Variants in WDR70 observed in about 807,000 individuals in gnomAD.
The protein encoded by WDR70 is WD repeat-containing protein 70.
In WDR70, 53 loss-of-function variants were observed where a neutral mutation model predicts 88.6. The observed-to-expected ratio is 0.60, with a 90% CI of 0.48 to 0.75. The LOEUF (loss-of-function observed/expected upper bound fraction) is 0.75, where lower values mean the gene tolerates loss of function less well. Ranked by LOEUF, WDR70 falls within the 30% of genes least tolerant of loss-of-function variation. The probability of loss-of-function intolerance (pLI) is 0.00; values close to 1 mark genes in which losing one functional copy is unlikely to be tolerated. For missense variants in WDR70, 610 were observed against 823.2 expected (o/e 0.74, Z 3.17); for synonymous variants, 280 against 270.0 (o/e 1.04, Z -0.36).
At chr5:37,728,608 G>T (rs924932927) in intron 17 of WDR70, among the ~76,000 whole-genome samples, 1 of 151,916 alleles carries the variant, frequency 6.6e-6, no homozygotes, top group Non-Finnish European at 1.5e-5. Context: ...TGCATGTTTG[G>T]CACAAATAAC....
chr5:37,495,655 A>G (rs1740195650), intron 8 of WDR70, among the ~76,000 whole-genome samples: 1 of 152,188 alleles, frequency 6.6e-6, no homozygotes, highest in South Asian at 2.1e-4. Context: ...AGGAGTGCCT[A>G]TGTTTAGATA....
intron 5 of WDR70, among the ~76,000 whole-genome samples, chr5:37,426,685 A>G (rs916256033): frequency 1.3e-5 from 2 of 152,210 alleles, no homozygotes; most frequent in Non-Finnish European, 2.9e-5. Flanking sequence ...TCTGCATGGA[A>G]GAAGACAACA....
chr5:37,675,552 A>G (rs938560882), intron 10 of WDR70, among the ~76,000 whole-genome samples: 11 of 151,822 alleles, frequency 7.2e-5, no homozygotes, highest in East Asian at 1.9e-4. Context: ...GTAGATATGC[A>G]GCATTATTTC....
intron 10 of WDR70, among the ~76,000 whole-genome samples, chr5:37,634,376 A>C (rs933903001): frequency 1.3e-5 from 2 of 152,106 alleles, no homozygotes; most frequent in African/African-American, 4.8e-5. Context: ...AGAAGACTTT[A>C]TTAAGCTTTG....
chr5:37,623,758 CTAGT>C (rs1295626285), intron 10 of WDR70, among the ~76,000 whole-genome samples: 1 of 152,084 alleles, frequency 6.6e-6, no homozygotes, highest in Non-Finnish European at 1.5e-5. Flanking sequence ...TCATCTCTAC[CTAGT>C]TATAGAGTTC....
At chr5:37,568,912 G>T (rs1362991342) in intron 9 of WDR70, among the ~76,000 whole-genome samples, 1 of 152,108 alleles carries the variant, frequency 6.6e-6, no homozygotes, top group African/African-American at 2.4e-5. Flanking sequence ...TAAGCCCAAA[G>T]AGCTGTGTGC....
intron 9 of WDR70, among the ~76,000 whole-genome samples, chr5:37,524,576 A>G (rs1276190672): frequency 6.6e-6 from 1 of 152,228 alleles, no homozygotes; most frequent in Admixed American, 6.5e-5. Flanking sequence ...GCATCAACTA[A>G]CGAGCAAAAT....
chr5:37,475,427 G>A (rs1056904021), intron 7 of WDR70, among the ~76,000 whole-genome samples: 2 of 151,670 alleles, frequency 1.3e-5, no homozygotes, highest in East Asian at 1.9e-4. Context: ...TAGTAGAGAC[G>A]GGGTTTCTCC....
At chr5:37,581,509 T>C (rs187552824) in intron 9 of WDR70, among the ~76,000 whole-genome samples, 1 of 152,300 alleles carries the variant, frequency 6.6e-6, no homozygotes, top group Non-Finnish European at 1.5e-5. Flanking sequence ...CTGTTACTCA[T>C]GTCGTTATTT....
chr5:37,407,244 C>T (rs978241645), intron 5 of WDR70, among the ~76,000 whole-genome samples: 2 of 152,052 alleles, frequency 1.3e-5, no homozygotes, highest in African/African-American at 4.8e-5. Context: ...GTAAGTCAGG[C>T]CGGTGTAGTG....
chr5:37,424,820 T>C lies in WDR70; in HGVS notation c.493-13102T>C, dbSNP rs6864055. On this transcript the variant is annotated intron_variant, in intron 5 of 17. Coordinates refer to ENST00000265107, the MANE Select transcript of WDR70 (RefSeq NM_018034.4). ...TAATTTGTAATTTTTTCCAGCTTTT[T>C]GTCAAAAAAGTATTTTTTTATATGT... is the stretch of plus-strand genomic sequence containing the variant. 7.4e-3 allele frequency among the ~76,000 whole-genome samples: 1,125 copies of C among 152,326 alleles called. 17 individuals are homozygous for C. Among genetic ancestry groups the C allele is most frequent in the African/African-American group, 0.025 (1,059 of 41,574 alleles).
At chr5:37,693,390 C>A (rs1171783758) in intron 10 of WDR70, among the ~76,000 whole-genome samples, 1 of 152,092 alleles carries the variant, frequency 6.6e-6, no homozygotes, top group Admixed American at 6.5e-5. Flanking sequence ...CAAAAAAGAG[C>A]CCGCATTGCC....
intron 5 of WDR70, among the ~76,000 whole-genome samples, chr5:37,433,022 C>G (rs1157655070): frequency 6.6e-6 from 1 of 152,094 alleles, no homozygotes; most frequent in Non-Finnish European, 1.5e-5. Context: ...TTGATTATCT[C>G]TTTTGATGCC....
intron 9 of WDR70, among the ~76,000 whole-genome samples, chr5:37,526,438 C>T (rs964516903): frequency 8.5e-5 from 13 of 152,172 alleles, no homozygotes; most frequent in Admixed American, 5.9e-4. Flanking sequence ...AATAGCCCTT[C>T]ATGCTAAAAA....
chr5:37,587,678 G>A (rs545076634), intron 9 of WDR70, among the ~76,000 whole-genome samples: 1 of 151,824 alleles, frequency 6.6e-6, no homozygotes, highest in African/African-American at 2.4e-5. Context: ...TTTGTGGAAA[G>A]TATTTAATTT....
At chr5:37,545,141 T>C (rs1741946477) in intron 9 of WDR70, among the ~76,000 whole-genome samples, 1 of 152,224 alleles carries the variant, frequency 6.6e-6, no homozygotes, top group Non-Finnish European at 1.5e-5. Flanking sequence ...TTTTGAGTTA[T>C]TGACCGCTAT....
intron 9 of WDR70, among the ~76,000 whole-genome samples, chr5:37,561,722 G>C (rs1742509169): frequency 6.6e-6 from 1 of 152,172 alleles, no homozygotes; most frequent in East Asian, 1.9e-4. Flanking sequence ...TTAATCCTCT[G>C]GTGGGTAGAA....
At chr5:37,416,195 C>T (rs1052532847) in intron 5 of WDR70, among the ~76,000 whole-genome samples, 1 of 152,182 alleles carries the variant, frequency 6.6e-6, no homozygotes, top group Non-Finnish European at 1.5e-5. Flanking sequence ...GCCGAGATCA[C>T]GCCACTGCAC....
chr5:37,583,007 T>C (rs1743263582), intron 9 of WDR70, among the ~76,000 whole-genome samples: 1 of 152,260 alleles, frequency 6.6e-6, no homozygotes, highest in Non-Finnish European at 1.5e-5. Flanking sequence ...TGCAAAGTTT[T>C]AAAAGCTTTT....
Sources: gnomAD v4.1 joint callset for allele counts (sites outside exome capture counted in the v4.1 genomes callset) on GRCh38, gnomAD v4.1.1 for gene constraint, MANE v1.5 for transcripts, NCBI Gene and HGNC (gene_info 2026-07-23, HGNC 2026-07-21) for gene names.